The following BNC2 variants were observed in gnomAD, a reference collection of about 807,000 sequenced individuals.
BNC2 encodes zinc finger protein basonuclin-2.
In BNC2, 20 loss-of-function variants were observed where a neutral mutation model predicts 76.3. The observed-to-expected ratio is 0.26, with a 90% confidence interval of 0.18 to 0.38. BNC2 has a LOEUF of 0.38. Ranked by LOEUF, BNC2 falls within the 10% of genes least tolerant of loss-of-function variation. The probability of loss-of-function intolerance (pLI) is 1.00; values close to 1 mark genes in which losing one functional copy is unlikely to be tolerated. For synonymous variants in BNC2, 582 were observed against 514.8 expected (o/e 1.13, Z -1.77); for missense variants, 1,382 against 1,399.8 (o/e 0.99, Z 0.20).
intron 1 of BNC2, among the ~76,000 whole-genome samples, chr9:16,848,924 G>T (rs1819058137): frequency 6.6e-6 from 1 of 152,164 alleles, no homozygotes; most frequent in South Asian, 2.1e-4. Flanking sequence ...TCCAGGCTAT[G>T]TGTATAAAAT....
intron 6 of BNC2, among the ~76,000 whole-genome samples, chr9:16,428,978 C>T (rs527354391): frequency 4.6e-5 from 7 of 152,304 alleles, no homozygotes; most frequent in African/African-American, 1.7e-4. Context: ...TCTTAGCTTG[C>T]CTGCCTCTCC....
intron 5 of BNC2, among the ~76,000 whole-genome samples, chr9:16,536,159 AT>A (rs1358232293): frequency 2.0e-5 from 3 of 152,212 alleles, no homozygotes; most frequent in Non-Finnish European, 2.9e-5. Context: ...TTAAAAAAAA[AT>A]CAGCTTTCAG....
At chr9:16,522,088 G>C (rs1488664576) in intron 5 of BNC2, among the ~76,000 whole-genome samples, 1 of 152,072 alleles carries the variant, frequency 6.6e-6, no homozygotes, top group Non-Finnish European at 1.5e-5. Flanking sequence ...GCAGATGTCA[G>C]GTATTTTAAT....
At chr9:16,584,839 G>A (rs1819725928) in intron 3 of BNC2, among the ~76,000 whole-genome samples, 1 of 151,984 alleles carries the variant, frequency 6.6e-6, no homozygotes. Context: ...AGAGCTTAGA[G>A]GACAGCATTT....
intron 3 of BNC2, among the ~76,000 whole-genome samples, chr9:16,720,229 AAAGGGTAT>A (rs1824112184): frequency 6.6e-6 from 1 of 152,214 alleles, no homozygotes; most frequent in South Asian, 2.1e-4. Context: ...TGTATTGGCA[AAAGGGTAT>A]TTATTCAATT....
chr9:16,753,215 A>T (rs956833642), intron 1 of BNC2, among the ~76,000 whole-genome samples: 1 of 152,202 alleles, frequency 6.6e-6, no homozygotes, highest in Non-Finnish European at 1.5e-5. Flanking sequence ...CTTCAAAAAG[A>T]TTTTAGAGTA....
intron 5 of BNC2, among the ~76,000 whole-genome samples, chr9:16,508,232 T>A (rs1346778974): frequency 1.3e-5 from 2 of 152,224 alleles, no homozygotes; most frequent in Non-Finnish European, 2.9e-5. Flanking sequence ...CTTATTCTGC[T>A]CCATAGGTCC....
At chr9:16,525,407 C>T (rs764599487) in intron 5 of BNC2, among the ~76,000 whole-genome samples, 6 of 151,866 alleles carry the variant, frequency 4.0e-5, no homozygotes, top group Admixed American at 1.3e-4. Context: ...AAAAATGAAA[C>T]GGATTTACAA....
chr9:16,554,601 C>T (rs12350853), intron 4 of BNC2, among the ~76,000 whole-genome samples: 19,423 of 152,130 alleles, frequency 0.13, 1,741 homozygotes, highest in South Asian at 0.27. Context: ...TTGAAGTTTT[C>T]TCTCACTCCA....
At chr9:16,506,286 A>G (rs2131846426) in intron 5 of BNC2, among the ~76,000 whole-genome samples, 1 of 152,250 alleles carries the variant, frequency 6.6e-6, no homozygotes, top group East Asian at 1.9e-4. Context: ...TCGGCTCTGG[A>G]TGAGACCTCA....
chr9:16,651,535 C>T (rs1419776544), intron 3 of BNC2, among the ~76,000 whole-genome samples: 1 of 152,180 alleles, frequency 6.6e-6, no homozygotes, highest in Non-Finnish European at 1.5e-5. Flanking sequence ...AAACAAAACT[C>T]CCAGCTCTGG....
intron 3 of BNC2, among the ~76,000 whole-genome samples, chr9:16,621,198 G>A (rs1278220327): frequency 2.0e-5 from 3 of 152,164 alleles, no homozygotes; most frequent in African/African-American, 7.2e-5. Context: ...AGAGCAGACA[G>A]AGGGAAGACT....
chr9:16,561,130 T>G (rs947743903), intron 4 of BNC2, among the ~76,000 whole-genome samples: 1 of 151,780 alleles, frequency 6.6e-6, no homozygotes, highest in Non-Finnish European at 1.5e-5. Flanking sequence ...TCCCAGCTAC[T>G]CAGGAGGCTG....
intron 1 of BNC2, among the ~76,000 whole-genome samples, chr9:16,863,749 G>A (rs1343930563): frequency 3.3e-5 from 5 of 152,106 alleles, no homozygotes; most frequent in Admixed American, 6.5e-5. Context: ...CCTAAAAGAG[G>A]TAAGGTCAAG....
rs1820562705 is a variant in BNC2 at position 16,415,331 on chromosome 9, A to G, written c.*3658T>C. On this transcript the variant is annotated 3_prime_UTR_variant, in exon 7 of 7. Coordinates refer to ENST00000380672, the MANE Select transcript of BNC2 (RefSeq NM_017637.6). The stretch of plus-strand genomic sequence containing the variant: ...AAGCGGACTAAACCTGATATTTACA[A>G]AAACATAGTTTTAAATGATCAAGAC... The G allele has an allele frequency of 6.6e-6, 1 of 151,914 alleles. No homozygotes were observed. Among genetic ancestry groups the G allele is most frequent in the Non-Finnish European group, 1.5e-5 (1 of 68,028 alleles). 9.4% of individuals were successfully genotyped at this position (151,914 alleles called of 1,614,324 possible). A position where few individuals can be genotyped will look rare whatever the true frequency, so the allele number is the denominator to read the frequency against.
chr9:16,692,278 A>G (rs1431544152), intron 3 of BNC2, among the ~76,000 whole-genome samples: 1 of 152,192 alleles, frequency 6.6e-6, no homozygotes, highest in Non-Finnish European at 1.5e-5. Flanking sequence ...AGTATGCCAC[A>G]CCCAGGTTAA....
At position 16,781,939 on chromosome 9, in the gene BNC2, C is replaced by CA. The variant is rs376704351; in HGVS notation, c.4-43455dup. On this transcript the variant is annotated intron_variant, in intron 1 of 6. Coordinates refer to ENST00000380672, the MANE Select transcript of BNC2 (RefSeq NM_017637.6). ...AGGAGAAAACTGGTAAGGATATTTA[C>CA]AAAATGACAAGTAAGATTATCTATA... Among the ~76,000 whole-genome samples the CA allele has an allele frequency of 3.2e-3, 491 of 152,120 alleles. 4 individuals are homozygous for CA. Among genetic ancestry groups the CA allele is most frequent in the African/African-American group, 0.011 (464 of 41,518 alleles).
chr9:16,790,049 G>C (rs900845215), intron 1 of BNC2, among the ~76,000 whole-genome samples: 1 of 152,206 alleles, frequency 6.6e-6, no homozygotes. Flanking sequence ...GCCTAGGCTG[G>C]AGTGCAGTGG....
Position 16,437,305 on chromosome 9 carries a change from G to C in BNC2, c.889C>G (p.Leu297Val), listed in dbSNP as rs760944883. 2 of 1,614,148 alleles carry C rather than the reference G, an allele frequency of 1.2e-6. No individual in the cohort carries two copies. Among genetic ancestry groups the C allele is most frequent in the Non-Finnish European group, 1.7e-6 (2 of 1,180,020 alleles). Reference protein sequence around the residue: ...ESNNRTRSPSLLAHLENSNPS... With the variant: ...ESNNRTRSPSVLAHLENSNPS... The stretch of plus-strand genomic sequence containing the variant: ...TTGCTGTTCTCTAAGTGAGCAAGGA[G>C]GCTGGGACTCCTGGTGCGATTATTG... Residue 297 changes from leucine (L) to valine (V), a missense_variant, in exon 6 of 7, where the codon CTC becomes GTC. This residue lies in a region of BNC2 where 557 missense variants were observed against 540.9 expected (regional missense o/e 1.03). Coordinates refer to ENST00000380672, the MANE Select transcript of BNC2 (RefSeq NM_017637.6).
Sources: allele counts gnomAD v4.1 joint callset (sites outside exome capture counted in the v4.1 genomes callset), GRCh38; gene constraint gnomAD v4.1.1; regional missense constraint gnomAD v4.1.1; transcripts MANE v1.5; gene names NCBI Gene and HGNC (gene_info 2026-07-23, HGNC 2026-07-21).